The following ZFP2 variants were observed in gnomAD, a reference collection of about 807,000 sequenced individuals.
ZFP2 encodes ZFP2 zinc finger protein, also known as zinc finger protein ZFP2.
Under a neutral mutation model 36.1 loss-of-function variants are expected in ZFP2, and 33 were observed. The observed-to-expected ratio is 0.92, with a 90% CI of 0.69 to 1.22. The LOEUF (loss-of-function observed/expected upper bound fraction) is 1.22, where lower values mean the gene tolerates loss of function less well. ZFP2 is among the 50% of genes most tolerant of loss of function. The probability of loss-of-function intolerance (pLI) is 0.00; values close to 1 mark genes in which losing one functional copy is unlikely to be tolerated. For synonymous variants in ZFP2, 170 were observed against 178.0 expected (o/e 0.96, Z 0.36); for missense variants, 522 against 551.4 (o/e 0.95, Z 0.53).
Position 178,932,696 on chromosome 5 carries a change from G to T in ZFP2, c.1383G>T (p.Thr461=), listed in dbSNP as rs912162546. 1.3e-6 allele frequency: 2 copies of T among 1,585,428 alleles called. No individual in the cohort carries two copies. Among genetic ancestry groups the T allele is most frequent in the South Asian group, 2.3e-5 (2 of 86,052 alleles). Residue 461 remains threonine (T), a synonymous_variant, in exon 5 of 5, where the codon ACG becomes ACT. Coordinates refer to ENST00000361362, the MANE Select transcript of ZFP2 (RefSeq NM_030613.4). ...TNLTRHQRTH[T] ...TTACACGACATCAAAGAACTCATAC[G>T]TGAGGAATGTTTTCACTGGCCCTTA...
intron 4 of ZFP2, among the ~76,000 whole-genome samples, chr5:178,925,897 A>G (rs10044980): frequency 0.53 from 78,052 of 147,922 alleles, 24,183 homozygotes; most frequent in Non-Finnish European, 0.61. Flanking sequence ...TCCCAGGCTG[A>G]AGTGCAGTAG....
intron 4 of ZFP2, among the ~76,000 whole-genome samples, chr5:178,930,386 C>T (rs1222560415): frequency 7.7e-6 from 1 of 129,708 alleles, no homozygotes; most frequent in Non-Finnish European, 1.6e-5. Context: ...AGTGGTACTA[C>T]CTCAGCTCAC....
chr5:178,897,574 T>C (rs1415542888), intron 1 of ZFP2, among the ~76,000 whole-genome samples: 2 of 152,240 alleles, frequency 1.3e-5, no homozygotes, highest in Non-Finnish European at 2.9e-5. Context: ...TGGTAAGCCT[T>C]TGTTACAAGT....
At chr5:178,930,329 T>TG (rs1758801608) in intron 4 of ZFP2, among the ~76,000 whole-genome samples, 2 of 128,372 alleles carry the variant, frequency 1.6e-5, no homozygotes, top group Non-Finnish European at 3.4e-5. Context: ...TTTTTTTTTT[T>TG]TTTTTTTTTG....
intron 1 of ZFP2, 70 bp downstream of exon 1, chr5:178,896,044 C>T (rs1757927162): frequency 6.6e-6 from 1 of 152,324 alleles, no homozygotes; most frequent in South Asian, 2.1e-4. Flanking sequence ...GGAGGAGCTC[C>T]GGATTGCGGG....
chr5:178,905,286 G>T (rs538104238), intron 1 of ZFP2, among the ~76,000 whole-genome samples: 2 of 152,202 alleles, frequency 1.3e-5, no homozygotes, highest in South Asian at 2.1e-4. Flanking sequence ...GACCAATCAT[G>T]AAGATCTTGC....
At chr5:178,928,735 C>T (rs927752948) in intron 4 of ZFP2, among the ~76,000 whole-genome samples, 1 of 152,196 alleles carries the variant, frequency 6.6e-6, no homozygotes, top group Non-Finnish European at 1.5e-5. Context: ...ATCTTACATT[C>T]TGGAGTCTGG....
chr5:178,925,951 G>A (rs1046827038), intron 4 of ZFP2, among the ~76,000 whole-genome samples: 1 of 148,670 alleles, frequency 6.7e-6, no homozygotes, highest in Non-Finnish European at 1.5e-5. Flanking sequence ...GGGCTCAGGC[G>A]ATCCTCCCAC....
At chr5:178,900,268 G>A (rs1196091374) in intron 1 of ZFP2, among the ~76,000 whole-genome samples, 2 of 152,222 alleles carry the variant, frequency 1.3e-5, no homozygotes, top group Admixed American at 6.5e-5. Context: ...CACCACCTCA[G>A]TCAAGGTACA....
chr5:178,913,887 C>A (rs1433229890), intron 3 of ZFP2: 1 of 141,230 alleles, frequency 7.1e-6, no homozygotes, highest in Non-Finnish European at 1.5e-5. Context: ...GATGGAGTCT[C>A]GCTGTGTCAC....
At chr5:178,906,187 G>A (rs1001138406) in intron 1 of ZFP2, among the ~76,000 whole-genome samples, 6 of 152,212 alleles carry the variant, frequency 3.9e-5, no homozygotes, top group African/African-American at 1.4e-4. Context: ...AGGACTTAAG[G>A]TGGTGAGGGT....
At chr5:178,926,075 G>C (rs1758662062) in intron 4 of ZFP2, among the ~76,000 whole-genome samples, 1 of 148,334 alleles carries the variant, frequency 6.7e-6, no homozygotes, top group African/African-American at 2.4e-5. Flanking sequence ...TAAAATTCCT[G>C]GTCTCAAGAA....
At chr5:178,927,176 C>T (rs1418022441) in intron 4 of ZFP2, among the ~76,000 whole-genome samples, 1 of 152,180 alleles carries the variant, frequency 6.6e-6, no homozygotes, top group Non-Finnish European at 1.5e-5. Context: ...TTTCCAGCCT[C>T]CTCTCAAACA....
chr5:178,929,684 T>A (rs1339834424), intron 4 of ZFP2, among the ~76,000 whole-genome samples: 2 of 152,192 alleles, frequency 1.3e-5, no homozygotes, highest in Non-Finnish European at 2.9e-5. Context: ...TGTTCCAAAC[T>A]CTCTCTTATC....
Position 178,932,687 on chromosome 5 carries a change from A to T in ZFP2, c.1374A>T (p.Arg458Ser). ...SRSTNLTRHQ[R>S]THT is the part of the protein sequence containing the mutation. ...GTACAAACCTTACACGACATCAAAG[A>T]ACTCATACGTGAGGAATGTTTTCAC... The change falls in exon 5 of 5, where the codon AGA becomes AGT. Residue 458 changes from arginine (R) to serine (S), a missense_variant. Arg to Ser is a moderately radical substitution (Grantham distance 110, BLOSUM62 -1). Transcript: ENST00000361362. 6.3e-7 allele frequency: 1 copy of T among 1,594,598 alleles called. No homozygotes were observed. The highest frequency in any genetic ancestry group is 8.5e-7 in the Non-Finnish European group (1 of 1,170,770).
At chr5:178,908,552 A>G (rs1364263430) in intron 1 of ZFP2, among the ~76,000 whole-genome samples, 1 of 150,856 alleles carries the variant, frequency 6.6e-6, no homozygotes, top group Non-Finnish European at 1.5e-5. Flanking sequence ...CTGGCACTGT[A>G]TCATTTTATA....
Position 178,931,697 on chromosome 5 carries a change from A to G in ZFP2, c.384A>G (p.Lys128=). The change falls in exon 5 of 5, where the codon AAA becomes AAG. Residue 128 remains lysine (K), a synonymous_variant. Coordinates refer to ENST00000361362, the MANE Select transcript of ZFP2 (RefSeq NM_030613.4). ...ACCAGAGGATTCATACTGGGGAGAA[A>G]CCCTATAAGTGTAATGTATGTGGGA... The part of the protein sequence containing the change: ...LKHQRIHTGE[K]PYKCNVCGKH... 1 of 1,614,146 alleles carries G rather than the reference A, an allele frequency of 6.2e-7. No homozygotes were observed. Among genetic ancestry groups the G allele is most frequent in the Non-Finnish European group, 8.5e-7 (1 of 1,180,016 alleles).
intron 1 of ZFP2, among the ~76,000 whole-genome samples, chr5:178,899,598 C>T (rs1274114630): frequency 1.3e-5 from 2 of 151,902 alleles, no homozygotes; most frequent in Non-Finnish European, 1.5e-5. Flanking sequence ...AGGGTGGTGG[C>T]CATGGGGGTG....
chr5:178,902,343 A>T (rs1758076199), intron 1 of ZFP2, among the ~76,000 whole-genome samples: 1 of 152,310 alleles, frequency 6.6e-6, no homozygotes, highest in Non-Finnish European at 1.5e-5. Flanking sequence ...AAATAAGGAA[A>T]ACTTACATCG....
Sources: gnomAD v4.1 joint callset for allele counts (sites outside exome capture counted in the v4.1 genomes callset) on GRCh38, gnomAD v4.1.1 for gene constraint, MANE v1.5 for transcripts, NCBI Gene and HGNC (gene_info 2026-07-23, HGNC 2026-07-21) for gene names.